FMN2: variants seen among roughly 807,000 people sequenced by gnomAD.
The protein encoded by FMN2 is formin 2, also known as formin-2.
FMN2 carries 51 observed loss-of-function variants against 142.3 expected under a neutral mutation model. The observed-to-expected ratio is 0.36, with a 90% CI of 0.29 to 0.45. The LOEUF is 0.45. Ranked by LOEUF, FMN2 falls within the 20% of genes least tolerant of loss-of-function variation. FMN2 has a pLI of 1.00. For synonymous variants in FMN2, 882 were observed against 869.8 expected (o/e 1.01, Z -0.25); for missense variants, 1,936 against 2,122.8 (o/e 0.91, Z 1.73).
chr1:240,190,363 T>G (rs1665653349), intron 4 of FMN2, among the ~76,000 whole-genome samples: 1 of 152,228 alleles, frequency 6.6e-6, no homozygotes, highest in Non-Finnish European at 1.5e-5. Flanking sequence ...AATCATTAAC[T>G]CTTTGTCATA....
chr1:240,241,830 T>G (rs1478241267), intron 6 of FMN2, among the ~76,000 whole-genome samples: 1 of 50,480 alleles, frequency 2.0e-5, no homozygotes, highest in Non-Finnish European at 4.1e-5. Flanking sequence ...CCTTGCTTTT[T>G]TTTTTTTTTT....
At chr1:240,270,080 G>A (rs1668945206) in intron 7 of FMN2, among the ~76,000 whole-genome samples, 1 of 152,088 alleles carries the variant, frequency 6.6e-6, no homozygotes. Context: ...AACAGATGTG[G>A]TGAGAGTAGG....
chr1:240,391,218 C>T (rs1047235715), intron 14 of FMN2, among the ~76,000 whole-genome samples: 2 of 152,128 alleles, frequency 1.3e-5, no homozygotes, highest in Admixed American at 6.5e-5. Flanking sequence ...TCTGCTGCCA[C>T]CTGAAATGAT....
chr1:240,404,807 A>C (rs1371570532), intron 15 of FMN2, among the ~76,000 whole-genome samples: 1 of 152,212 alleles, frequency 6.6e-6, no homozygotes, highest in African/African-American at 2.4e-5. Flanking sequence ...AAAGTTATAC[A>C]AAATCTGAGG....
At position 240,330,770 on chromosome 1, in the gene FMN2, G is replaced by C. The variant is rs769893293; in HGVS notation, c.4584+21G>C. 4.3e-6 allele frequency: 7 copies of C among 1,610,192 alleles called. No homozygotes were observed. The South Asian group carries it at 4.4e-5, about 10-fold the overall frequency. On this transcript the variant is annotated intron_variant, in intron 11 of 17. Transcript: ENST00000319653. ...GCAGTGTAAGTATTTTGCATGAGTG[G>C]ACGTAAGCACATTGAGGAGTCAAGG...
chr1:240,144,391 G>C, intron 2 of FMN2: 1 of 1,606,600 alleles, frequency 6.2e-7, no homozygotes, highest in Non-Finnish European at 8.5e-7. Flanking sequence ...AGGCCAAGAA[G>C]TTGCTGTTGA....
Position 240,207,225 on chromosome 1 carries a change from C to A in FMN2, c.2413C>A (p.Gln805Lys). The A allele has an allele frequency of 6.2e-7, 1 of 1,614,022 alleles. No individual in the cohort carries two copies. The highest frequency in any genetic ancestry group is 8.5e-7 in the Non-Finnish European group (1 of 1,179,940). ...CCAGCTCGACAGCCATCAGCCCACA[C>A]AGAGCATCTCACAGCCTCCACCACC... ...SVQLDSHQPT[Q>K]SISQPPPPPS... Residue 805 changes from glutamine (Q) to lysine (K), a missense_variant, in exon 5 of 18, where the codon CAG becomes AAG. Around this residue, in one of 8 missense-constraint regions of FMN2, gnomAD observed 478 missense variants for 462.8 expected, o/e 1.03. Coordinates refer to ENST00000319653, the MANE Select transcript of FMN2 (RefSeq NM_020066.5).
intron 8 of FMN2, among the ~76,000 whole-genome samples, chr1:240,297,320 G>T (rs77309841): frequency 6.6e-6 from 1 of 152,086 alleles, no homozygotes; most frequent in Non-Finnish European, 1.5e-5. Flanking sequence ...TTTGGGCTGG[G>T]TGTGGTGGCT....
At chr1:240,142,945 C>T (rs1357067141) in intron 2 of FMN2, 4 of 1,605,242 alleles carry the variant, frequency 2.5e-6, no homozygotes, top group Middle Eastern at 1.8e-4. Context: ...CCATACAATA[C>T]ATAGTGTGAT....
chr1:240,459,650 G>GT (rs1252247746), intron 16 of FMN2, among the ~76,000 whole-genome samples: 1 of 144,546 alleles, frequency 6.9e-6, no homozygotes, highest in African/African-American at 2.6e-5. Context: ...CTGGGAGGTG[G>GT]AAGTTGCAGT....
intron 16 of FMN2, among the ~76,000 whole-genome samples, chr1:240,468,318 A>ATATGCACACACACATATATACG (rs1676698551): frequency 6.6e-6 from 1 of 152,124 alleles, no homozygotes; most frequent in Non-Finnish European, 1.5e-5. Flanking sequence ...ACATATATAC[A>ATATGCACACACACATATATACG]TATGCACACA....
At chr1:240,218,800 G>T (rs759677231) in intron 6 of FMN2, among the ~76,000 whole-genome samples, 18 of 152,176 alleles carry the variant, frequency 1.2e-4, no homozygotes, top group Non-Finnish European at 2.1e-4. Context: ...GGGCACAGAG[G>T]TTCTCTGGAG....
chr1:240,358,885 C>T (rs1044009767), intron 14 of FMN2, among the ~76,000 whole-genome samples: 3 of 152,092 alleles, frequency 2.0e-5, no homozygotes, highest in African/African-American at 7.2e-5. Flanking sequence ...TCCCATAATC[C>T]CGGCACTTTG....
intron 6 of FMN2, among the ~76,000 whole-genome samples, chr1:240,257,132 G>A (rs1572124140): frequency 6.6e-6 from 1 of 152,282 alleles, no homozygotes; most frequent in African/African-American, 2.4e-5. Flanking sequence ...GATCAGGCCT[G>A]GGATAAGTTT....
intron 8 of FMN2, among the ~76,000 whole-genome samples, chr1:240,321,022 G>A (rs1205598859): frequency 6.6e-6 from 1 of 152,102 alleles, no homozygotes; most frequent in Non-Finnish European, 1.5e-5. Context: ...TTAAAACTCA[G>A]CTATTTAATA....
chr1:240,470,679 CTA>C (rs1358254710), intron 16 of FMN2, among the ~76,000 whole-genome samples: 1 of 152,064 alleles, frequency 6.6e-6, no homozygotes, highest in Non-Finnish European at 1.5e-5. Context: ...GGAAATTAGG[CTA>C]TAAGGTCTAT....
At chr1:240,304,636 A>C (rs1371047217) in intron 8 of FMN2, among the ~76,000 whole-genome samples, 1 of 152,212 alleles carries the variant, frequency 6.6e-6, no homozygotes, top group Non-Finnish European at 1.5e-5. Flanking sequence ...GGGCAACTAC[A>C]GTGGGGGGAC....
chr1:240,376,605 A>G (rs1241231197), intron 14 of FMN2, among the ~76,000 whole-genome samples: 4 of 152,108 alleles, frequency 2.6e-5, no homozygotes, highest in African/African-American at 9.7e-5. Context: ...CTGTTTACAT[A>G]GTATTTATAT....
At chr1:240,453,523 A>G (rs2103213778) in intron 16 of FMN2, among the ~76,000 whole-genome samples, 1 of 152,276 alleles carries the variant, frequency 6.6e-6, no homozygotes, top group Non-Finnish European at 1.5e-5. Flanking sequence ...AATTAGTACC[A>G]ATGGTGTTTT....
Sources: gnomAD v4.1 joint callset for allele counts (sites outside exome capture counted in the v4.1 genomes callset) on GRCh38, gnomAD v4.1.1 for gene constraint, gnomAD v4.1.1 regional missense constraint, MANE v1.5 for transcripts, NCBI Gene and HGNC (gene_info 2026-07-23, HGNC 2026-07-21) for gene names.